The following ARID1B variants were observed in gnomAD, a reference collection of about 807,000 sequenced individuals.
ARID1B encodes AT-rich interaction domain 1B.
A neutral mutation model predicts 212.3 loss-of-function variants in ARID1B; 30 were observed. The ratio of observed to expected loss-of-function variants is 0.14; its 90% CI spans 0.11 to 0.19. ARID1B has a LOEUF of 0.19. Among genes scored for constraint, ARID1B ranks in the 10% least tolerant of loss-of-function variants. ARID1B has a pLI of 1.00. For missense variants in ARID1B, 2,891 were observed against 3,204.0 expected, an observed-to-expected ratio of 0.90 and a Z score of 2.36; for synonymous variants, 1,402 against 1,301.7, an observed-to-expected ratio of 1.08 and a Z score of -1.66.
At chr6:157,107,654 T>A (rs1157537805) in intron 5 of ARID1B, 4 of 152,124 alleles carry the variant, frequency 2.6e-5, no homozygotes, top group Non-Finnish European at 5.9e-5. Flanking sequence ...TCCAGTTGTA[T>A]TTTTTTCCAT....
In ARID1B at chr6:156,786,396, A is replaced by C. The variant is rs140777930; in HGVS notation, c.1791+6925A>C. Among the ~76,000 whole-genome samples, 129 of 152,308 alleles carry C rather than the reference A, an allele frequency of 8.5e-4. 1 individual carries two copies. Among genetic ancestry groups the C allele is most frequent in the Non-Finnish European group, 5.7e-4 (39 of 68,028 alleles). ...TGTATGTGGAAAAATTACTAAATTA[A>C]GATGATTGACCTTTTAGAATTACAT... is the stretch of plus-strand genomic sequence containing the variant. On this transcript the variant is annotated intron_variant, in intron 1 of 19. Coordinates refer to ENST00000636930, the MANE Select transcript of ARID1B (RefSeq NM_001374828.1).
At chr6:157,192,862 T>G (rs1386127277) in intron 15 of ARID1B, among the ~76,000 whole-genome samples, 1 of 152,248 alleles carries the variant, frequency 6.6e-6, no homozygotes, top group Non-Finnish European at 1.5e-5. Flanking sequence ...TCAGTTTGCC[T>G]TACTCTGTCA....
At chr6:157,168,507 A>G (rs1791491815) in intron 9 of ARID1B, 4 of 152,160 alleles carry the variant, frequency 2.6e-5, no homozygotes, top group Admixed American at 6.5e-5. Context: ...GGGTTGTGAC[A>G]TACTATGTTT....
intron 4 of ARID1B, chr6:156,976,894 G>A: frequency 1.8e-6 from 1 of 568,790 alleles, no homozygotes; most frequent in East Asian, 4.5e-5. Context: ...CTAAACAAGT[G>A]TGGAGTGATC....
intron 4 of ARID1B, among the ~76,000 whole-genome samples, chr6:157,021,044 CCGGATGCCTGCG>C (rs1780207517): frequency 6.6e-6 from 1 of 151,936 alleles, no homozygotes; most frequent in African/African-American, 2.4e-5. Context: ...CCGTCCCTGC[CCGGATGCCTGCG>C]CGGCGGCGGC....
intron 1 of ARID1B, among the ~76,000 whole-genome samples, chr6:156,793,136 G>T (rs1012061608): frequency 1.3e-5 from 2 of 152,112 alleles, no homozygotes; most frequent in East Asian, 3.8e-4. Context: ...TAATACCGGG[G>T]TGGGGGCATG....
chr6:156,830,396 A>G (rs979687620), intron 2 of ARID1B, among the ~76,000 whole-genome samples: 2 of 152,266 alleles, frequency 1.3e-5, no homozygotes, highest in East Asian at 3.9e-4. Flanking sequence ...CTGACCAGAC[A>G]TCTTTCGTTG....
At chr6:156,988,370 A>G (rs886979132) in intron 4 of ARID1B, among the ~76,000 whole-genome samples, 1 of 152,168 alleles carries the variant, frequency 6.6e-6, no homozygotes, top group Admixed American at 6.5e-5. Context: ...TCATTCATGC[A>G]TGTGTGGTGC....
At chr6:157,056,142 C>G (rs1260199548) in intron 4 of ARID1B, among the ~76,000 whole-genome samples, 2 of 152,172 alleles carry the variant, frequency 1.3e-5, no homozygotes, top group African/African-American at 2.4e-5. Flanking sequence ...CCACACCGCC[C>G]CCACCTCATA....
rs143526776 is a variant in ARID1B, at chr6:157,111,462, G to A, written c.2581+901G>A. ...TTGTCTGCTCCATCCCACAACAAAC[G>A]AGAGAGATACCGCTGTCCTGCACTC... is the stretch of plus-strand genomic sequence containing the variant. On this transcript the variant is annotated intron_variant, in intron 6 of 19. Coordinates refer to ENST00000636930, the MANE Select transcript of ARID1B (RefSeq NM_001374828.1). Among the ~76,000 whole-genome samples the A allele has an allele frequency of 9.1e-3, 1,381 of 152,220 alleles. 7 individuals carry two copies. The highest frequency in any genetic ancestry group is 0.024 in the Middle Eastern group (7 of 294).
At chr6:157,182,568 G>A (rs1160958395) in intron 12 of ARID1B, among the ~76,000 whole-genome samples, 1 of 152,142 alleles carries the variant, frequency 6.6e-6, no homozygotes, top group Non-Finnish European at 1.5e-5. Context: ...CTGCCCTGCA[G>A]GTGTCACTGA....
intron 16 of ARID1B, 131 bp from the exon 17 acceptor site, chr6:157,198,680 G>T: frequency 2.9e-6 from 2 of 679,710 alleles, no homozygotes; most frequent in East Asian, 5.6e-5. Flanking sequence ...GAGGGCCTTT[G>T]TCGGAGGGGT....
intron 1 of ARID1B, among the ~76,000 whole-genome samples, chr6:156,813,617 A>G (rs1781764950): frequency 6.6e-6 from 1 of 152,202 alleles, no homozygotes; most frequent in Non-Finnish European, 1.5e-5. Flanking sequence ...GTGTAAGAGA[A>G]TATTCTGTCT....
intron 5 of ARID1B, among the ~76,000 whole-genome samples, chr6:157,104,705 C>G (rs1427581487): frequency 1.3e-5 from 2 of 152,050 alleles, no homozygotes; most frequent in African/African-American, 2.4e-5. Context: ...ATATACAAAC[C>G]CTCTAGGTAC....
chr6:156,981,146 C>G (rs981506318), intron 4 of ARID1B, among the ~76,000 whole-genome samples: 1 of 152,202 alleles, frequency 6.6e-6, no homozygotes, highest in African/African-American at 2.4e-5. Context: ...GCTGGTGTGA[C>G]TGTTAGAAAG....
intron 4 of ARID1B, chr6:156,976,551 C>A: frequency 4.7e-6 from 1 of 214,896 alleles, no homozygotes. Context: ...GAACCACTCT[C>A]AGTGGACAAA....
intron 8 of ARID1B, among the ~76,000 whole-genome samples, chr6:157,154,464 A>AT (rs1790415100): frequency 6.6e-6 from 1 of 151,240 alleles, no homozygotes; most frequent in South Asian, 2.1e-4. Context: ...CTATTTCTTG[A>AT]TTTTATGGTG....
At chr6:157,003,839 T>A (rs565985229) in intron 4 of ARID1B, among the ~76,000 whole-genome samples, 3 of 152,052 alleles carry the variant, frequency 2.0e-5, no homozygotes, top group South Asian at 2.1e-4. Context: ...TAGGTGCGCA[T>A]GACTGTTCCT....
At chr6:157,175,056 G>A (rs577094883) in intron 11 of ARID1B, 51 bp downstream of exon 11, 1 of 1,287,124 alleles carries the variant, frequency 7.8e-7, no homozygotes, top group Non-Finnish European at 1.0e-6. Context: ...TTTTTTTGGG[G>A]TTTTTTGATA....
Sources: allele counts gnomAD v4.1 joint callset (sites outside exome capture counted in the v4.1 genomes callset), GRCh38; gene constraint gnomAD v4.1.1; transcripts MANE v1.5; gene names NCBI Gene and HGNC (gene_info 2026-07-23, HGNC 2026-07-21).